The following PDE10A variants were observed in gnomAD, a reference collection of about 807,000 sequenced individuals.
The protein encoded by PDE10A is cAMP and cAMP-inhibited cGMP 3',5'-cyclic phosphodiesterase 10A.
Under a neutral mutation model 97.7 loss-of-function variants are expected in PDE10A, and 39 were observed. The observed-to-expected ratio is 0.40, with a 90% CI of 0.31 to 0.52. The LOEUF (loss-of-function observed/expected upper bound fraction) is 0.52, where lower values mean the gene tolerates loss of function less well. Among genes scored for constraint, PDE10A ranks in the 20% least tolerant of loss-of-function variants. The pLI is 0.56. For synonymous variants in PDE10A, 371 were observed against 376.8 expected (o/e 0.98, Z 0.18); for missense variants, 731 against 1,047.8 (o/e 0.70, Z 4.17).
At chr6:165,802,011 T>C (rs1778999366) in intron 1 of PDE10A, among the ~76,000 whole-genome samples, 1 of 152,170 alleles carries the variant, frequency 6.6e-6, no homozygotes, top group African/African-American at 2.4e-5. Context: ...ACTTCTGTCA[T>C]AAAGTGAGGA....
At chr6:165,743,050 T>C (rs1464647462) in intron 1 of PDE10A, among the ~76,000 whole-genome samples, 2 of 152,162 alleles carry the variant, frequency 1.3e-5, no homozygotes, top group Non-Finnish European at 2.9e-5. Flanking sequence ...GAGTGGCCTG[T>C]AGCACCCCTA....
chr6:165,760,454 G>T (rs559599139), intron 1 of PDE10A, among the ~76,000 whole-genome samples: 1 of 152,264 alleles, frequency 6.6e-6, no homozygotes, highest in African/African-American at 2.4e-5. Flanking sequence ...AAGCTAATAC[G>T]CTTAGTTTAC....
At chr6:165,701,405 C>T (rs1343045338) in intron 1 of PDE10A, among the ~76,000 whole-genome samples, 2 of 152,230 alleles carry the variant, frequency 1.3e-5, no homozygotes, top group African/African-American at 4.8e-5. Context: ...ATGCTAGCCA[C>T]TCAGTAGCAC....
chr6:165,747,361 A>G (rs73030239), intron 1 of PDE10A, among the ~76,000 whole-genome samples: 6,976 of 152,266 alleles, frequency 0.046, 273 homozygotes, highest in South Asian at 0.18. Context: ...CAAGGTTTGT[A>G]AACACTGGTA....
At chr6:165,648,694 G>GA (rs1236162855) in intron 1 of PDE10A, among the ~76,000 whole-genome samples, 4 of 152,018 alleles carry the variant, frequency 2.6e-5, no homozygotes, top group African/African-American at 9.7e-5. Flanking sequence ...AATCATACAG[G>GA]AAAAAAATGG....
intron 1 of PDE10A, among the ~76,000 whole-genome samples, chr6:165,641,298 T>C (rs1789121442): frequency 1.3e-5 from 2 of 152,338 alleles, no homozygotes; most frequent in South Asian, 4.1e-4. Flanking sequence ...AGTTAACTAA[T>C]TATAGCAGCA....
chr6:165,719,828 A>AT (rs1234125280), intron 1 of PDE10A, among the ~76,000 whole-genome samples: 1 of 152,254 alleles, frequency 6.6e-6, no homozygotes, highest in African/African-American at 2.4e-5. Flanking sequence ...ACTAATACTA[A>AT]TTGCAGGGAA....
At chr6:165,912,173 CATCT>C (rs748514309) in intron 1 of PDE10A, among the ~76,000 whole-genome samples, 7 of 152,162 alleles carry the variant, frequency 4.6e-5, no homozygotes, top group African/African-American at 7.2e-5. Context: ...CTCTCTCTAT[CATCT>C]ATCTGTCTAT....
At chr6:165,919,205 G>T (rs1445358921) in intron 1 of PDE10A, among the ~76,000 whole-genome samples, 3 of 152,098 alleles carry the variant, frequency 2.0e-5, no homozygotes, top group Non-Finnish European at 4.4e-5. Context: ...TCCTTGTTCT[G>T]TCACCATTTC....
chr6:165,667,508 G>A (rs997038884), upstream of PDE10A, among the ~76,000 whole-genome samples: 8 of 151,780 alleles, frequency 5.3e-5, no homozygotes, highest in Non-Finnish European at 1.2e-4. Flanking sequence ...ATTAGAATTC[G>A]TTATAATTTT....
chr6:165,470,893 A>G (rs1778959049), intron 3 of PDE10A, among the ~76,000 whole-genome samples: 1 of 152,148 alleles, frequency 6.6e-6, no homozygotes, highest in Non-Finnish European at 1.5e-5. Context: ...CATTTATCCC[A>G]TATTTTAAGA....
intron 1 of PDE10A, among the ~76,000 whole-genome samples, chr6:165,720,406 T>C (rs1792136334): frequency 6.6e-6 from 1 of 152,194 alleles, no homozygotes; most frequent in Non-Finnish European, 1.5e-5. Context: ...GAGGTTTTGC[T>C]GAGAGCGGAA....
intron 1 of PDE10A, among the ~76,000 whole-genome samples, chr6:165,816,813 G>T (rs1010807787): frequency 1.3e-5 from 2 of 152,136 alleles, no homozygotes; most frequent in Admixed American, 6.5e-5. Context: ...GGGTTCCGGA[G>T]GGGGGAAGGG....
intron 3 of PDE10A, among the ~76,000 whole-genome samples, chr6:165,455,095 T>C (rs989818981): frequency 1.3e-5 from 2 of 152,126 alleles, no homozygotes; most frequent in African/African-American, 4.8e-5. Context: ...GCAGAATTAC[T>C]AGATTTGGGG....
chr6:165,599,408 C>T (rs1481794021), intron 1 of PDE10A, among the ~76,000 whole-genome samples: 5 of 152,206 alleles, frequency 3.3e-5, no homozygotes, highest in Non-Finnish European at 7.3e-5. Flanking sequence ...TTCTTCAGTA[C>T]TACCCTTTCC....
rs150609585 is a variant in PDE10A, at chr6:165,587,266, G to A, written c.866-43698C>T. ...AGGAATGAAAGAAAGAAGTAAAGAC[G>A]GGAGGAACATAAACTTTTTGAAAGT... On this transcript the variant is annotated intron_variant, in intron 1 of 21. Transcript: ENST00000539869. Among the ~76,000 whole-genome samples, 39 of 152,226 alleles carry A rather than the reference G, an allele frequency of 2.6e-4. No homozygotes were observed. The East Asian group carries it at 3.5e-3, about 14-fold the overall frequency.
chr6:165,920,490 T>G (rs1298054659), intron 1 of PDE10A, among the ~76,000 whole-genome samples: 3 of 152,090 alleles, frequency 2.0e-5, no homozygotes, highest in African/African-American at 7.2e-5. Context: ...TCTTATACTG[T>G]GGCATAAATA....
intron 6 of PDE10A, 62 bp downstream of exon 6, chr6:165,435,175 C>A: frequency 7.5e-7 from 1 of 1,329,108 alleles, no homozygotes; most frequent in Non-Finnish European, 1.1e-6. Flanking sequence ...AAATGATATG[C>A]CATCTTTCTT....
At chr6:165,402,431 A>T (rs1013673478) in intron 13 of PDE10A, among the ~76,000 whole-genome samples, 2 of 152,122 alleles carry the variant, frequency 1.3e-5, no homozygotes. Context: ...GAATAGTAGA[A>T]AATAATATAA....
Sources: gnomAD v4.1 joint callset for allele counts (sites outside exome capture counted in the v4.1 genomes callset) on GRCh38, gnomAD v4.1.1 for gene constraint, MANE v1.5 for transcripts, NCBI Gene and HGNC (gene_info 2026-07-23, HGNC 2026-07-21) for gene names.